The following SPDYA variants were observed in gnomAD, a reference collection of about 807,000 sequenced individuals.
SPDYA encodes speedy protein A.
SPDYA carries 11 observed loss-of-function variants against 36.7 expected under a neutral mutation model. The observed-to-expected ratio is 0.30, with a 90% CI of 0.19 to 0.50. SPDYA has a LOEUF of 0.50. SPDYA is among the 20% of genes least tolerant of loss of function. SPDYA has a pLI of 0.98. For missense variants in SPDYA, 287 were observed against 370.9 expected, an observed-to-expected ratio of 0.77 and a Z score of 1.86; for synonymous variants, 115 against 118.7, an observed-to-expected ratio of 0.97 and a Z score of 0.20.
chr2:28,846,925 C>A (rs1255574487), intron 7 of SPDYA, among the ~76,000 whole-genome samples: 2 of 152,130 alleles, frequency 1.3e-5, no homozygotes, highest in African/African-American at 4.8e-5. Context: ...CCAGCCCCTT[C>A]TCAAAGTAGA....
Position 28,850,326 on chromosome 2 carries a change from A to T in SPDYA, c.*385A>T. ...TTAATATGTTCTGAAAACATTACTC[A>T]CCTGTATGACCAGGTTGCCAGTGTA... On this transcript the variant is annotated 3_prime_UTR_variant, in exon 8 of 8. Coordinates refer to ENST00000334056, the MANE Select transcript of SPDYA (RefSeq NM_182756.4). 6.2e-7 allele frequency: 1 copy of T among 1,607,976 alleles called. No homozygotes were observed. The highest frequency in any genetic ancestry group is 8.5e-7 in the Non-Finnish European group (1 of 1,175,896).
At chr2:28,834,246 C>T (rs1668539754) in intron 6 of SPDYA, among the ~76,000 whole-genome samples, 1 of 152,174 alleles carries the variant, frequency 6.6e-6, no homozygotes, top group South Asian at 2.1e-4. Context: ...TGTGGAGATA[C>T]TGGAACCCTC....
Position 28,824,435 on chromosome 2 carries a change from C to T in SPDYA, c.380+2025C>T, listed in dbSNP as rs1223192212. Among the ~76,000 whole-genome samples, 9 of 134,388 alleles carry T rather than the reference C, an allele frequency of 6.7e-5. No individual in the cohort carries two copies. In the South Asian group the frequency reaches 2.0e-3, roughly 29 times the overall value. The allele number at this position is 134,388 out of a possible 152,430, so 88.2% of individuals were successfully genotyped here. On this transcript the variant is annotated intron_variant, in intron 5 of 7. Coordinates refer to ENST00000334056, the MANE Select transcript of SPDYA (RefSeq NM_182756.4). ...CAAGGCTGCAGTGAGCTATGATCAC[C>T]ACTATACTCCAGCCTGGGCAACAGA...
chr2:28,840,531 T>G (rs1435870691), intron 7 of SPDYA, 62 bp downstream of exon 7: 1 of 1,557,978 alleles, frequency 6.4e-7, no homozygotes, highest in Non-Finnish European at 8.7e-7. Context: ...CTCTAGTCAG[T>G]CCTTTCTGGC....
At position 28,839,297 on chromosome 2, in the gene SPDYA, G is replaced by A. The variant is rs1390723045; in HGVS notation, c.553-875G>A. On this transcript the variant is annotated intron_variant, in intron 6 of 7. Transcript: ENST00000334056. ...AAACCTTATAGAACAATGCCTGGAA[G>A]ATAGTGAGGCTTTATAAATAATGCC... Among the ~76,000 whole-genome samples, 3 of 152,150 alleles carry A rather than the reference G, an allele frequency of 2.0e-5. No homozygotes were observed. The East Asian group carries it at 5.8e-4, about 29-fold the overall frequency.
At chr2:28,825,825 C>T (rs1351926515) in intron 5 of SPDYA, among the ~76,000 whole-genome samples, 5 of 151,826 alleles carry the variant, frequency 3.3e-5, no homozygotes, top group Admixed American at 2.6e-4. Context: ...GCAACCTCTA[C>T]CTCTAGGGTT....
At position 28,850,290 on chromosome 2, in the gene SPDYA, A is replaced by G. The variant is rs1043767673; in HGVS notation, c.*349A>G. The G allele has an allele frequency of 1.2e-6, 2 of 1,601,552 alleles. No individual in the cohort carries two copies. The highest frequency in any genetic ancestry group is 3.4e-5 in the Admixed American group (2 of 59,418). On this transcript the variant is annotated 3_prime_UTR_variant, in exon 8 of 8. Transcript: ENST00000334056. ...TAAAGTCATTATATTAATTAAAAGA[A>G]AAAACACCATTTAATATGTTCTGAA...
At chr2:28,836,482 A>T (rs1247834554) in intron 6 of SPDYA, among the ~76,000 whole-genome samples, 1 of 152,234 alleles carries the variant, frequency 6.6e-6, no homozygotes, top group Admixed American at 6.5e-5. Context: ...CACCACTGAC[A>T]TAAGAAAGAA....
chr2:28,840,828 ATACTT>A (rs1211539563), intron 7 of SPDYA: 2 of 945,820 alleles, frequency 2.1e-6, no homozygotes, highest in South Asian at 4.5e-5. Flanking sequence ...TTCCTTCTGT[ATACTT>A]TTCTAACAAA....
At chr2:28,844,768 T>C (rs1459972448) in intron 7 of SPDYA, among the ~76,000 whole-genome samples, 2 of 151,908 alleles carry the variant, frequency 1.3e-5, no homozygotes, top group Non-Finnish European at 2.9e-5. Flanking sequence ...ACCCCATCTC[T>C]ACTGAAAATA....
At chr2:28,835,182 C>A (rs890825145) in intron 6 of SPDYA, among the ~76,000 whole-genome samples, 2 of 151,872 alleles carry the variant, frequency 1.3e-5, no homozygotes, top group Non-Finnish European at 2.9e-5. Flanking sequence ...CCACCTTGGC[C>A]TCCCAAAGTT....
intron 4 of SPDYA, among the ~76,000 whole-genome samples, chr2:28,819,843 AAAAAAAATATATATATATATAT>A (rs1668097237): frequency 4.7e-5 from 2 of 42,916 alleles, no homozygotes; most frequent in African/African-American, 2.3e-4. Context: ...AAAAAAAAAA[AAAAAAAATATATATATATATAT>A]ATATATATAT....
At chr2:28,830,491 C>T (rs1390003703) in intron 6 of SPDYA, among the ~76,000 whole-genome samples, 3 of 152,212 alleles carry the variant, frequency 2.0e-5, no homozygotes, top group East Asian at 1.9e-4. Flanking sequence ...GCGTGAGCCA[C>T]CGTGCCCGGC....
intron 5 of SPDYA, among the ~76,000 whole-genome samples, chr2:28,824,401 C>T (rs1024622787): frequency 4.0e-5 from 6 of 150,050 alleles, no homozygotes; most frequent in Non-Finnish European, 7.4e-5. Flanking sequence ...TCACTTGAGC[C>T]CAGGAGTTCA....
intron 6 of SPDYA, among the ~76,000 whole-genome samples, chr2:28,831,978 T>C (rs1292128323): frequency 6.6e-6 from 1 of 152,198 alleles, no homozygotes; most frequent in Non-Finnish European, 1.5e-5. Flanking sequence ...ATTTTTTATT[T>C]TATTGGATCA....
chr2:28,830,193 G>A (rs1668445249), intron 6 of SPDYA, among the ~76,000 whole-genome samples: 1 of 141,288 alleles, frequency 7.1e-6, no homozygotes, highest in African/African-American at 2.7e-5. Flanking sequence ...TACTTCTATA[G>A]TAAGTACTTT....
At chr2:28,825,996 G>A (rs1668307260) in intron 5 of SPDYA, among the ~76,000 whole-genome samples, 1 of 151,950 alleles carries the variant, frequency 6.6e-6, no homozygotes, top group African/African-American at 2.4e-5. Flanking sequence ...CCTTCCCAAA[G>A]TGCTGGAATT....
In SPDYA at chr2:28,829,157, T is replaced by C. The variant is rs1454349965; in HGVS notation, c.390T>C (p.Ala130=). 1 of 1,613,380 alleles carries C rather than the reference T, an allele frequency of 6.2e-7. No homozygotes were observed. Among genetic ancestry groups the C allele is most frequent in the Admixed American group, 1.7e-5 (1 of 59,692 alleles). The change falls in exon 6 of 8, where the codon GCT becomes GCC. Residue 130 remains alanine, a synonymous_variant. Coordinates refer to ENST00000334056, the MANE Select transcript of SPDYA (RefSeq NM_182756.4). ...TGATCTTCTTTGTTAGGTATCTGGC[T>C]AATACAGTTGAAGAAGATGAAGAAG... The part of the protein sequence containing the change: ...RINFFIALYL[A]NTVEEDEEET...
chr2:28,811,587 C>T lies in SPDYA; in HGVS notation c.-93+640C>T, dbSNP rs1000328592. On this transcript the variant is annotated intron_variant, in intron 1 of 7. Transcript: ENST00000334056. The surrounding 1 kb of genome is among the most constrained non-coding windows in gnomAD (Gnocchi z 4.2). ...CTCAATCTTTTAAAAAGCCTTATGC[C>T]GAGTTGGGCGAATCCTTGAGGCCAG... 6.6e-6 allele frequency among the ~76,000 whole-genome samples: 1 copy of T among 151,732 alleles called. No homozygotes were observed. The highest frequency in any genetic ancestry group is 1.5e-5 in the Non-Finnish European group (1 of 67,988).
Sources: allele counts gnomAD v4.1 joint callset (sites outside exome capture counted in the v4.1 genomes callset), GRCh38; gene constraint gnomAD v4.1.1; non-coding constraint Gnocchi (gnomAD v3.1); transcripts MANE v1.5; gene names NCBI Gene and HGNC (gene_info 2026-07-23, HGNC 2026-07-21).